The following SERINC5 variants were observed in gnomAD, a reference collection of about 807,000 sequenced individuals.
The protein encoded by SERINC5 is serine incorporator 5, also known as chromosome 5 open reading frame 12.
A neutral mutation model predicts 63.1 loss-of-function variants in SERINC5; 41 were observed. The ratio of observed to expected loss-of-function variants is 0.65; its 90% CI spans 0.51 to 0.84. SERINC5 has a LOEUF of 0.84. SERINC5 is among the 40% of genes least tolerant of loss of function. The pLI is 0.00. For missense variants in SERINC5, 523 were observed against 573.0 expected (o/e 0.91, Z 0.89); for synonymous variants, 222 against 215.2 (o/e 1.03, Z -0.28).
chr5:80,179,589 A>AT (rs1283345735), intron 2 of SERINC5, among the ~76,000 whole-genome samples: 3 of 152,194 alleles, frequency 2.0e-5, no homozygotes, highest in Non-Finnish European at 4.4e-5. Context: ...TAGAAATGGA[A>AT]TTAGTAGGTC....
Position 80,209,059 on chromosome 5 carries a change from C to A in SERINC5, c.28-6006G>T, listed in dbSNP as rs185819058. 1.6e-3 allele frequency among the ~76,000 whole-genome samples: 243 copies of A among 152,254 alleles called. 2 individuals carry two copies. Among genetic ancestry groups the A allele is most frequent in the African/African-American group, 5.6e-3 (233 of 41,560 alleles). On this transcript the variant is annotated intron_variant, in intron 1 of 11. Coordinates refer to ENST00000507668, the MANE Select transcript of SERINC5 (RefSeq NM_001174072.3). ...AGTAGACTGCTTGAGGCCAGGAGTT[C>A]GAGGCCAGCCTGGCCAACCTGGCCA...
chr5:80,234,418 A>G (rs937073778), intron 1 of SERINC5, among the ~76,000 whole-genome samples: 2 of 152,200 alleles, frequency 1.3e-5, no homozygotes, highest in Non-Finnish European at 2.9e-5. Context: ...ACATATTCAT[A>G]CCAGTTGTGC....
intron 2 of SERINC5, among the ~76,000 whole-genome samples, chr5:80,183,388 G>C (rs754341328): frequency 3.3e-5 from 5 of 152,162 alleles, no homozygotes; most frequent in Non-Finnish European, 7.3e-5. Flanking sequence ...GGGTATCCCA[G>C]CGAGAACAGT....
intron 1 of SERINC5, among the ~76,000 whole-genome samples, chr5:80,237,429 C>A (rs891144158): frequency 1.3e-5 from 2 of 152,000 alleles, no homozygotes; most frequent in Middle Eastern, 3.4e-3. Context: ...AACTTCCCAG[C>A]CTCAGGTGAT....
intron 1 of SERINC5, among the ~76,000 whole-genome samples, chr5:80,232,646 T>C (rs1019727980): frequency 4.6e-5 from 7 of 151,966 alleles, no homozygotes; most frequent in African/African-American, 1.7e-4. Context: ...TAGCTGGGCA[T>C]AGTGGCACAC....
At chr5:80,197,913 C>T (rs532002777) in intron 2 of SERINC5, among the ~76,000 whole-genome samples, 107 of 152,260 alleles carry the variant, frequency 7.0e-4, no homozygotes, top group African/African-American at 2.5e-3. Context: ...GATCTCGGCT[C>T]ACTGCAGCCT....
At chr5:80,135,034 G>T (rs567720872), downstream of SERINC5, among the ~76,000 whole-genome samples, 31 of 152,332 alleles carry the variant, frequency 2.0e-4, 1 homozygote, top group South Asian at 5.4e-3. Context: ...TTACTGGCAG[G>T]AAATAGGCTG....
At chr5:80,118,922 G>A (rs1262156642) in intron 11 of SERINC5, among the ~76,000 whole-genome samples, 2 of 151,820 alleles carry the variant, frequency 1.3e-5, no homozygotes, top group Non-Finnish European at 2.9e-5. Flanking sequence ...TCACCCTGGG[G>A]GCTGGGATTT....
At chr5:80,208,105 C>G (rs1238739470) in intron 1 of SERINC5, among the ~76,000 whole-genome samples, 2 of 151,924 alleles carry the variant, frequency 1.3e-5, no homozygotes, top group Non-Finnish European at 2.9e-5. Context: ...ACCCCTGGCT[C>G]CAAGAGGGCA....
At chr5:80,202,591 C>T (rs1245502375) in intron 2 of SERINC5, among the ~76,000 whole-genome samples, 1 of 151,904 alleles carries the variant, frequency 6.6e-6, no homozygotes, top group Non-Finnish European at 1.5e-5. Context: ...GCACTTGTAC[C>T]CCATTAATCT....
intron 1 of SERINC5, among the ~76,000 whole-genome samples, chr5:80,236,062 C>A (rs1751673806): frequency 1.3e-5 from 2 of 152,144 alleles, no homozygotes; most frequent in African/African-American, 4.8e-5. Context: ...TGGATCTACA[C>A]ATTACTTATT....
chr5:80,237,982 T>C (rs1751776773), intron 1 of SERINC5, among the ~76,000 whole-genome samples: 2 of 151,292 alleles, frequency 1.3e-5, no homozygotes, highest in Admixed American at 6.6e-5. Flanking sequence ...CGCGCGCCTG[T>C]AGTCCCAGCT....
At chr5:80,162,399 G>A (rs968068298) in intron 7 of SERINC5, among the ~76,000 whole-genome samples, 5 of 151,994 alleles carry the variant, frequency 3.3e-5, no homozygotes, top group African/African-American at 9.7e-5. Context: ...TTTGAGACGT[G>A]GTCTTGCTCT....
chr5:80,234,726 A>G (rs889291185), intron 1 of SERINC5, among the ~76,000 whole-genome samples: 67 of 152,136 alleles, frequency 4.4e-4, no homozygotes, highest in Non-Finnish European at 5.0e-4. Context: ...AGTTTCTAGG[A>G]TATCTTTAAA....
chr5:80,190,106 CTTTT>C (rs11422784), intron 2 of SERINC5, among the ~76,000 whole-genome samples: 12 of 93,238 alleles, frequency 1.3e-4, no homozygotes, highest in Middle Eastern at 8.2e-3. Flanking sequence ...GTCTCCCGTA[CTTTT>C]TTTTTTTTTT....
intron 5 of SERINC5, among the ~76,000 whole-genome samples, chr5:80,170,047 T>C (rs1206137140): frequency 6.6e-6 from 1 of 152,120 alleles, no homozygotes; most frequent in Non-Finnish European, 1.5e-5. Context: ...AAACGTGACA[T>C]TCCCCTGAGA....
chr5:80,212,369 C>T (rs368588983), intron 1 of SERINC5, among the ~76,000 whole-genome samples: 1 of 152,110 alleles, frequency 6.6e-6, no homozygotes, highest in African/African-American at 2.4e-5. Flanking sequence ...TTCAAGTAAA[C>T]AACACTGCAT....
chr5:80,125,861 G>A (rs962471209), intron 11 of SERINC5, among the ~76,000 whole-genome samples: 3 of 152,158 alleles, frequency 2.0e-5, no homozygotes, highest in Admixed American at 1.3e-4. Context: ...TGTAAATAAA[G>A]TTATTAGTTG....
At chr5:80,113,655 G>A in intron 11 of SERINC5, 1 of 261,798 alleles carries the variant, frequency 3.8e-6, no homozygotes, top group South Asian at 3.9e-5. Context: ...AGAAAAAGAG[G>A]GAGAAGCAAA....
Sources: gnomAD v4.1 joint callset for allele counts (sites outside exome capture counted in the v4.1 genomes callset) on GRCh38, gnomAD v4.1.1 for gene constraint, MANE v1.5 for transcripts, NCBI Gene and HGNC (gene_info 2026-07-23, HGNC 2026-07-21) for gene names.